The following DLC1 variants were observed in gnomAD, a reference collection of about 807,000 sequenced individuals.
The protein encoded by DLC1 is rho GTPase-activating protein 7.
In DLC1, 54 loss-of-function variants were observed where a neutral mutation model predicts 140.3. The observed-to-expected ratio is 0.38, with a 90% confidence interval of 0.31 to 0.48. DLC1 has a LOEUF of 0.48. Ranked by LOEUF, DLC1 falls within the 20% of genes least tolerant of loss-of-function variation. DLC1 has a pLI of 0.96. For missense variants in DLC1, 2,536 were observed against 1,907.0 expected (o/e 1.33, Z -6.14); for synonymous variants, 986 against 728.1 (o/e 1.35, Z -5.70).
chr8:13,559,976 G>A (rs1258011767), intron 1 of DLC1, among the ~76,000 whole-genome samples: 1 of 152,158 alleles, frequency 6.6e-6, no homozygotes, highest in Admixed American at 6.5e-5. Flanking sequence ...TAAAACAAAT[G>A]TAAATAAGGC....
At chr8:13,525,357 C>T (rs1472016330) in intron 1 of DLC1, among the ~76,000 whole-genome samples, 5 of 152,100 alleles carry the variant, frequency 3.3e-5, no homozygotes, top group African/African-American at 9.7e-5. Context: ...GTGTAAATAC[C>T]TAGTAGTAAG....
chr8:13,544,457 C>G (rs1446310096), intron 1 of DLC1, among the ~76,000 whole-genome samples: 1 of 152,062 alleles, frequency 6.6e-6, no homozygotes. Flanking sequence ...AAACACAGTA[C>G]TTTGGTCTGA....
intron 10 of DLC1, 191 bp from the exon 11 acceptor site, chr8:13,095,436 A>G (rs1237322589): frequency 9.2e-6 from 6 of 654,432 alleles, no homozygotes; most frequent in South Asian, 7.7e-5. Context: ...GTGCTCCTTC[A>G]TCTTTTGTGC....
chr8:13,443,657 C>CAAAAA (rs11321891), intron 2 of DLC1, among the ~76,000 whole-genome samples: 4 of 66,962 alleles, frequency 6.0e-5, no homozygotes, highest in African/African-American at 1.8e-4. Context: ...GACTCCGTCT[C>CAAAAA]AAAAAAAAAA....
chr8:13,293,112 C>T (rs1204528238), intron 5 of DLC1, among the ~76,000 whole-genome samples: 1 of 152,116 alleles, frequency 6.6e-6, no homozygotes, highest in Non-Finnish European at 1.5e-5. Context: ...TGCGTGTAGT[C>T]CCACTTACTG....
chr8:13,283,562 C>T (rs901639846), intron 5 of DLC1, among the ~76,000 whole-genome samples: 1 of 152,176 alleles, frequency 6.6e-6, no homozygotes. Flanking sequence ...GTTGCCCAGG[C>T]AGGAGTGTAG....
intron 2 of DLC1, among the ~76,000 whole-genome samples, chr8:13,458,601 T>G (rs771628632): frequency 6.6e-6 from 1 of 152,196 alleles, no homozygotes; most frequent in Non-Finnish European, 1.5e-5. Context: ...CTAAAAACAG[T>G]CATCTGATAG....
At chr8:13,576,439 T>C (rs1171935833) in intron 1 of DLC1, among the ~76,000 whole-genome samples, 1 of 152,162 alleles carries the variant, frequency 6.6e-6, no homozygotes, top group Admixed American at 6.5e-5. Flanking sequence ...TAGGCATCAG[T>C]AAAATTTATA....
chr8:13,368,824 T>C (rs1347317535), intron 4 of DLC1, among the ~76,000 whole-genome samples: 1 of 152,098 alleles, frequency 6.6e-6, no homozygotes, highest in Non-Finnish European at 1.5e-5. Context: ...TCTCTGATGA[T>C]GGTTATTTAT....
rs181588189 is a variant in DLC1, at chr8:13,115,477, T to C, written c.1420+109A>G. On this transcript the variant is annotated intron_variant, in intron 6 of 17. Transcript: ENST00000276297. ...ATGCTTACAACATTTTTTTTAAAAA[T>C]AAAACATTTAAACGATAAAACTGCT... 2,110 of 1,021,626 alleles carry C rather than the reference T, an allele frequency of 2.1e-3. 39 individuals carry two copies. The African/African-American group carries it at 0.031, about 15-fold the overall frequency. 63.3% of individuals were successfully genotyped at this position (1,021,626 alleles called of 1,614,324 possible). A position where few individuals can be genotyped will look rare whatever the true frequency, so the allele number is the denominator to read the frequency against.
rs561935190 is a variant in DLC1 at position 13,512,026 on chromosome 8, A to T, written c.-126+2576T>A. On this transcript the variant is annotated intron_variant, in intron 1 of 17. Coordinates refer to ENST00000276297, the MANE Select transcript of DLC1 (RefSeq NM_182643.3). Reference sequence around the variant, plus strand: ...AGAGAGAGAAAAAATTCTTTTTTTTAAATTATAATGTCCTTATGAAGAAAA... The same window carrying T: ...AGAGAGAGAAAAAATTCTTTTTTTTTAATTATAATGTCCTTATGAAGAAAA... 6.6e-5 allele frequency among the ~76,000 whole-genome samples: 10 copies of T among 152,176 alleles called. No homozygotes were observed. In the South Asian group the frequency reaches 1.9e-3, roughly 28 times the overall value.
intron 5 of DLC1, among the ~76,000 whole-genome samples, chr8:13,195,020 A>C (rs77301148): frequency 0.081 from 12,307 of 152,236 alleles, 674 homozygotes; most frequent in South Asian, 0.16. Flanking sequence ...AAAAACAGCA[A>C]AAGAAAGTAA....
chr8:13,578,622 CA>C (rs1563453251), intron 1 of DLC1, among the ~76,000 whole-genome samples: 1 of 152,140 alleles, frequency 6.6e-6, no homozygotes, highest in East Asian at 1.9e-4. Flanking sequence ...ACCCTCTCCT[CA>C]GGTTCAATTA....
chr8:13,318,754 T>C (rs537965027), intron 4 of DLC1, among the ~76,000 whole-genome samples: 2 of 152,322 alleles, frequency 1.3e-5, no homozygotes, highest in Admixed American at 6.5e-5. Flanking sequence ...AACACAAAGG[T>C]AAGCCATGGA....
chr8:13,549,112 A>C (rs578099659), intron 1 of DLC1, among the ~76,000 whole-genome samples: 1 of 152,178 alleles, frequency 6.6e-6, no homozygotes, highest in African/African-American at 2.4e-5. Flanking sequence ...TTATTTTCTT[A>C]CTCTGGGGCT....
At chr8:13,448,633 A>G (rs1563355659) in intron 2 of DLC1, among the ~76,000 whole-genome samples, 1 of 152,200 alleles carries the variant, frequency 6.6e-6, no homozygotes, top group East Asian at 1.9e-4. Flanking sequence ...TGCTGGGATT[A>G]CAGGCGTGAG....
At chr8:13,102,650 A>G in intron 8 of DLC1, 140 bp downstream of exon 8, 1 of 747,002 alleles carries the variant, frequency 1.3e-6, no homozygotes, top group Middle Eastern at 2.8e-4. Context: ...TATCAAGTCT[A>G]GGCGATATCA....
At chr8:13,216,720 G>A (rs1278542398) in intron 5 of DLC1, among the ~76,000 whole-genome samples, 2 of 151,996 alleles carry the variant, frequency 1.3e-5, no homozygotes. Context: ...CTGATTCTTT[G>A]TTGTGGGGGT....
At chr8:13,345,598 G>A (rs1834299105) in intron 4 of DLC1, among the ~76,000 whole-genome samples, 2 of 112,784 alleles carry the variant, frequency 1.8e-5, no homozygotes, top group Non-Finnish European at 3.3e-5. Flanking sequence ...GTATCACCCA[G>A]ATTGGAGTGC....
Sources: allele counts gnomAD v4.1 joint callset (sites outside exome capture counted in the v4.1 genomes callset), GRCh38; gene constraint gnomAD v4.1.1; transcripts MANE v1.5; gene names NCBI Gene and HGNC (gene_info 2026-07-23, HGNC 2026-07-21).